ABCG2: variants seen among roughly 807,000 people sequenced by gnomAD.
ABCG2 encodes the protein broad substrate specificity ATP-binding cassette transporter ABCG2.
A neutral mutation model predicts 73.5 loss-of-function variants in ABCG2; 80 were observed. The ratio of observed to expected loss-of-function variants is 1.09; its 90% CI spans 0.91 to 1.31. The LOEUF (loss-of-function observed/expected upper bound fraction) is 1.31. Among genes scored for constraint, ABCG2 ranks in the 50% most tolerant of loss-of-function variants. ABCG2 has a pLI of 0.00. For synonymous variants in ABCG2, 269 were observed against 282.4 expected (o/e 0.95, Z 0.48); for missense variants, 796 against 786.2 (o/e 1.01, Z -0.15).
chr4:88,180,669 C>T (rs988464697), intron 1 of ABCG2, among the ~76,000 whole-genome samples: 1 of 152,028 alleles, frequency 6.6e-6, no homozygotes, highest in African/African-American at 2.4e-5. Flanking sequence ...GGGGGGCTCA[C>T]TTTAGCCCAG....
intron 12 of ABCG2, among the ~76,000 whole-genome samples, chr4:88,099,099 A>T (rs1289552565): frequency 1.3e-5 from 2 of 152,222 alleles, no homozygotes; most frequent in Non-Finnish European, 2.9e-5. Context: ...GTCTCAAAAA[A>T]GCGAAACAAA....
At chr4:88,121,931 T>G in intron 5 of ABCG2, 139 bp from the exon 6 acceptor site, 2 of 829,856 alleles carry the variant, frequency 2.4e-6, no homozygotes, top group Non-Finnish European at 3.7e-6. Flanking sequence ...AGTGGATACC[T>G]GGTAGAAAAA....
At chr4:88,176,373 T>C (rs1024618540) in intron 1 of ABCG2, among the ~76,000 whole-genome samples, 9 of 152,090 alleles carry the variant, frequency 5.9e-5, no homozygotes, top group Non-Finnish European at 1.2e-4. Flanking sequence ...ATAATTAATC[T>C]TTTTATTTAT....
At chr4:88,144,924 G>A (rs772796187) in intron 1 of ABCG2, among the ~76,000 whole-genome samples, 19 of 151,408 alleles carry the variant, frequency 1.3e-4, no homozygotes, top group African/African-American at 2.9e-4. Flanking sequence ...CTCAAATTGC[G>A]CAACTCAAAA....
At chr4:88,123,601 A>C (rs1724166900) in intron 5 of ABCG2, among the ~76,000 whole-genome samples, 2 of 152,270 alleles carry the variant, frequency 1.3e-5, no homozygotes, top group Middle Eastern at 6.8e-3. Context: ...TAAAGCGTGA[A>C]GACAAGATTA....
chr4:88,151,861 G>A (rs890611004), intron 1 of ABCG2, among the ~76,000 whole-genome samples: 1 of 152,006 alleles, frequency 6.6e-6, no homozygotes, highest in Admixed American at 6.6e-5. Context: ...AAAAGAAGGA[G>A]CATGTAATGT....
chr4:88,207,876 C>T (rs1173725344), intron 1 of ABCG2, among the ~76,000 whole-genome samples: 1 of 152,156 alleles, frequency 6.6e-6, no homozygotes, highest in Non-Finnish European at 1.5e-5. Flanking sequence ...CCTGTCAGGG[C>T]ACAATGAAGG....
At chr4:88,221,310 G>A (rs897232600) in intron 1 of ABCG2, among the ~76,000 whole-genome samples, 22 of 152,140 alleles carry the variant, frequency 1.4e-4, no homozygotes, top group African/African-American at 4.6e-4. Flanking sequence ...ACTCAGTCTC[G>A]GGTATTTTTT....
chr4:88,193,111 A>G (rs1380379446), intron 1 of ABCG2, among the ~76,000 whole-genome samples: 1 of 152,128 alleles, frequency 6.6e-6, no homozygotes, highest in Non-Finnish European at 1.5e-5. Flanking sequence ...AATTTGTATA[A>G]AAACATATTT....
At chr4:88,103,720 C>T (rs1722596041) in intron 10 of ABCG2, among the ~76,000 whole-genome samples, 2 of 152,224 alleles carry the variant, frequency 1.3e-5, no homozygotes, top group Admixed American at 1.3e-4. Flanking sequence ...ATCATCTCTC[C>T]ATTCCCCACA....
intron 1 of ABCG2, among the ~76,000 whole-genome samples, chr4:88,143,584 T>C (rs1253568574): frequency 6.6e-6 from 1 of 152,134 alleles, no homozygotes; most frequent in Non-Finnish European, 1.5e-5. Context: ...ATCACAATCT[T>C]AGAAGTGCCT....
At chr4:88,222,375 C>T (rs1249677919) in intron 1 of ABCG2, among the ~76,000 whole-genome samples, 2 of 152,188 alleles carry the variant, frequency 1.3e-5, no homozygotes, top group Admixed American at 6.5e-5. Flanking sequence ...ATCTTGAATT[C>T]CCACATGTTG....
chr4:88,150,305 G>C (rs972977370), intron 1 of ABCG2, among the ~76,000 whole-genome samples: 7 of 152,294 alleles, frequency 4.6e-5, no homozygotes, highest in South Asian at 2.1e-4. Context: ...CAACAGAGGT[G>C]GTCACGGAAG....
chr4:88,100,566 C>T (rs925504094), intron 11 of ABCG2, among the ~76,000 whole-genome samples: 5 of 151,030 alleles, frequency 3.3e-5, no homozygotes, highest in South Asian at 2.1e-4. Flanking sequence ...GGGAGGACTG[C>T]GTAAGCCCCG....
At chr4:88,152,694 A>C (rs1271495971) in intron 1 of ABCG2, among the ~76,000 whole-genome samples, 1 of 152,124 alleles carries the variant, frequency 6.6e-6, no homozygotes, top group Admixed American at 6.6e-5. Flanking sequence ...GTCACAGGGG[A>C]TATGATGGCT....
intron 15 of ABCG2, among the ~76,000 whole-genome samples, chr4:88,092,923 G>A (rs1447762089): frequency 1.3e-5 from 2 of 152,166 alleles, no homozygotes; most frequent in African/African-American, 4.8e-5. Context: ...GAAAAGAGGT[G>A]TGCATGGGTT....
chr4:88,170,297 C>T (rs1727708344), intron 1 of ABCG2, among the ~76,000 whole-genome samples: 1 of 152,128 alleles, frequency 6.6e-6, no homozygotes, highest in African/African-American at 2.4e-5. Flanking sequence ...GCCTTATGCA[C>T]ATTTATTTAC....
At chr4:88,144,008 A>G (rs536160967) in intron 1 of ABCG2, among the ~76,000 whole-genome samples, 1 of 152,338 alleles carries the variant, frequency 6.6e-6, no homozygotes, top group Non-Finnish European at 1.5e-5. Context: ...GTCTTTCCCC[A>G]TGGTCAGAAG....
rs746703780 is a variant in ABCG2, at chr4:88,113,291, T to C, written c.1194+12A>G. On this transcript the variant is annotated intron_variant, in intron 9 of 15. Coordinates refer to ENST00000237612, the MANE Select transcript of ABCG2 (RefSeq NM_004827.3). ...TTCCCATTTGAGTATTTCAAAAGAA[T>C]CTGCTGGTTACCTGAGCTATAGAGG... 6.8e-6 allele frequency: 11 copies of C among 1,610,314 alleles called. No individual in the cohort carries two copies. In the South Asian group the frequency reaches 1.2e-4, roughly 18 times the overall value.
Sources: gnomAD v4.1 joint callset for allele counts (sites outside exome capture counted in the v4.1 genomes callset) on GRCh38, gnomAD v4.1.1 for gene constraint, MANE v1.5 for transcripts, NCBI Gene and HGNC (gene_info 2026-07-23, HGNC 2026-07-21) for gene names.